The following PEBP4 variants were observed in gnomAD, a reference collection of about 807,000 sequenced individuals.
PEBP4 encodes the protein phosphatidylethanolamine binding protein 4, also known as phosphatidylethanolamine-binding protein 4.
PEBP4 carries 22 observed loss-of-function variants against 23.9 expected under a neutral mutation model. That is an observed-to-expected ratio of 0.92 (90% CI 0.66 to 1.31). PEBP4 has a LOEUF of 1.31. Among genes scored for constraint, PEBP4 ranks in the 40% most tolerant of loss-of-function variants. The pLI, the probability that PEBP4 is intolerant of heterozygous loss-of-function variation, is 0.00. For missense variants in PEBP4, 324 were observed against 281.7 expected (o/e 1.15, Z -1.07); for synonymous variants, 112 against 99.3 (o/e 1.13, Z -0.76).
chr8:22,804,322 C>A (rs575310910), intron 4 of PEBP4, among the ~76,000 whole-genome samples: 3 of 152,234 alleles, frequency 2.0e-5, no homozygotes, highest in East Asian at 1.9e-4. Context: ...CAGAATGAGA[C>A]CCTGTCTCCT....
chr8:22,797,193 C>A (rs371588825), intron 4 of PEBP4, among the ~76,000 whole-genome samples: 1 of 143,024 alleles, frequency 7.0e-6, no homozygotes, highest in Non-Finnish European at 1.5e-5. Context: ...GCGGAGGTTG[C>A]GGTGAGCTGA....
upstream of PEBP4, among the ~76,000 whole-genome samples, chr8:22,930,034 C>T (rs1342744053): frequency 5.9e-5 from 9 of 152,348 alleles, no homozygotes; most frequent in East Asian, 1.7e-3. Flanking sequence ...CCTGGCTCCA[C>T]TGCACTCTGT....
intron 3 of PEBP4, among the ~76,000 whole-genome samples, chr8:22,868,731 A>T (rs373629310): frequency 6.6e-6 from 1 of 151,936 alleles, no homozygotes; most frequent in South Asian, 2.1e-4. Context: ...CCCATATCGA[A>T]TCTAGCAGGA....
chr8:22,929,896 G>T (rs1426235430), upstream of PEBP4, among the ~76,000 whole-genome samples: 1 of 152,152 alleles, frequency 6.6e-6, no homozygotes, highest in Admixed American at 6.5e-5. Context: ...TGTAGAGACG[G>T]GGTCTTGCAT....
At chr8:22,781,850 G>A (rs1212837200) in intron 4 of PEBP4, among the ~76,000 whole-genome samples, 4 of 152,190 alleles carry the variant, frequency 2.6e-5, no homozygotes, top group Non-Finnish European at 5.9e-5. Context: ...TGGGGAAGAG[G>A]GGGAGCCAAC....
rs369274882 is a variant in PEBP4, at chr8:22,927,720, C to G, written c.-6G>C. The G allele has an allele frequency of 6.2e-7, 1 of 1,613,422 alleles. No homozygotes were observed. Among genetic ancestry groups the G allele is most frequent in the Non-Finnish European group, 8.5e-7 (1 of 1,179,654 alleles). ...AGCCTCATTGTCCAACCCATGGGCACCTGGAACAGAAAGAACTTTAGAGCG... is the reference window on the plus strand; with the variant it reads ...AGCCTCATTGTCCAACCCATGGGCAGCTGGAACAGAAAGAACTTTAGAGCG... On this transcript the variant is annotated splice_region_variant and 5_prime_UTR_variant, in exon 2 of 7. Transcript: ENST00000256404.
chr8:22,772,517 A>C (rs1449004742), intron 4 of PEBP4, among the ~76,000 whole-genome samples: 2 of 119,446 alleles, frequency 1.7e-5, no homozygotes, highest in South Asian at 3.0e-4. Flanking sequence ...TTTTTTTGAG[A>C]CAGGGTCTTG....
intron 4 of PEBP4, among the ~76,000 whole-genome samples, chr8:22,795,143 G>GTGTGTGTATATATATATATA (rs1268855798): frequency 8.0e-5 from 4 of 49,910 alleles, no homozygotes; most frequent in African/African-American, 3.5e-4. Flanking sequence ...ATGTGTGTGT[G>GTGTGTGTATATATATATATA]TATATATATA....
intron 3 of PEBP4, among the ~76,000 whole-genome samples, chr8:22,891,350 C>T (rs1185656120): frequency 6.6e-6 from 1 of 152,210 alleles, no homozygotes; most frequent in Non-Finnish European, 1.5e-5. Flanking sequence ...TGGAACCAGG[C>T]TCCTCCTGCC....
chr8:22,822,966 T>C (rs539085216), intron 3 of PEBP4, among the ~76,000 whole-genome samples: 1 of 151,838 alleles, frequency 6.6e-6, no homozygotes, highest in African/African-American at 2.4e-5. Context: ...TAATAATAAA[T>C]GTAAACAACA....
chr8:22,921,803 C>T (rs1439972646), intron 2 of PEBP4, among the ~76,000 whole-genome samples: 1 of 152,238 alleles, frequency 6.6e-6, no homozygotes, highest in Non-Finnish European at 1.5e-5. Context: ...ATCTTCCTAG[C>T]ATCATCTTAA....
intron 4 of PEBP4, among the ~76,000 whole-genome samples, chr8:22,795,230 CA>C (rs1806225609): frequency 7.9e-6 from 1 of 126,612 alleles, no homozygotes; most frequent in African/African-American, 3.1e-5. Flanking sequence ...GTCTGGAGTG[CA>C]GTGGCGTGAT....
rs113504255 is a variant in PEBP4 at position 22,843,925 on chromosome 8, G to A, written c.259-26190C>T. On this transcript the variant is annotated intron_variant, in intron 3 of 6. Coordinates refer to ENST00000256404, the MANE Select transcript of PEBP4 (RefSeq NM_144962.3). ...AAGCAACATTTCTAACAAGCACTTC[G>A]CTCTTGGGGCCTTGGCTTTTCCATT... Among the ~76,000 whole-genome samples, 277 of 152,224 alleles carry A rather than the reference G, an allele frequency of 1.8e-3. 2 individuals carry two copies. Among genetic ancestry groups the A allele is most frequent in the African/African-American group, 6.2e-3 (259 of 41,526 alleles).
chr8:22,731,646 TATCTATC>T (rs1804735203), intron 4 of PEBP4, among the ~76,000 whole-genome samples: 2 of 103,778 alleles, frequency 1.9e-5, no homozygotes, highest in Non-Finnish European at 4.0e-5. Context: ...TTTATTTATC[TATCTATC>T]TATTTATTTA....
At chr8:22,867,503 A>C (rs931211096) in intron 3 of PEBP4, among the ~76,000 whole-genome samples, 11 of 152,160 alleles carry the variant, frequency 7.2e-5, no homozygotes, top group Admixed American at 4.6e-4. Flanking sequence ...TGCGGAAGGC[A>C]GGTCTTGTCC....
At chr8:22,844,827 G>A (rs551174324) in intron 3 of PEBP4, among the ~76,000 whole-genome samples, 16 of 152,250 alleles carry the variant, frequency 1.1e-4, no homozygotes, top group Admixed American at 1.0e-3. Context: ...CAAAGCCATT[G>A]GTCCTTAGTT....
At chr8:22,808,868 T>C (rs1463584630) in intron 4 of PEBP4, among the ~76,000 whole-genome samples, 1 of 152,230 alleles carries the variant, frequency 6.6e-6, no homozygotes, top group Non-Finnish European at 1.5e-5. Context: ...TTATTTATTG[T>C]ATTTTATTAG....
intron 4 of PEBP4, among the ~76,000 whole-genome samples, chr8:22,732,356 A>AGTGG (rs1804755657): frequency 6.6e-6 from 1 of 152,160 alleles, no homozygotes; most frequent in Admixed American, 6.5e-5. Context: ...CTGAACAATG[A>AGTGG]GAACACATGG....
At chr8:22,721,169 G>GT (rs1380085477) in intron 6 of PEBP4, among the ~76,000 whole-genome samples, 1 of 152,186 alleles carries the variant, frequency 6.6e-6, no homozygotes, top group African/African-American at 2.4e-5. Flanking sequence ...TCATCAGTTG[G>GT]TCCCTGCATT....
Sources: allele counts gnomAD v4.1 joint callset (sites outside exome capture counted in the v4.1 genomes callset), GRCh38; gene constraint gnomAD v4.1.1; transcripts MANE v1.5; gene names NCBI Gene and HGNC (gene_info 2026-07-23, HGNC 2026-07-21).